Variants in PREX1 observed in about 807,000 individuals in gnomAD.
PREX1 encodes phosphatidylinositol 3,4,5-trisphosphate-dependent Rac exchanger 1 protein.
Under a neutral mutation model 198.3 loss-of-function variants are expected in PREX1, and 41 were observed. That is an observed-to-expected ratio of 0.21 (90% confidence interval 0.16 to 0.27). The LOEUF (loss-of-function observed/expected upper bound fraction) is 0.27. PREX1 is among the 10% of genes least tolerant of loss of function. PREX1 has a pLI of 1.00. For missense variants in PREX1, 1,620 were observed against 2,200.7 expected (o/e 0.74, Z 5.28); for synonymous variants, 843 against 887.2 (o/e 0.95, Z 0.89).
intron 13 of PREX1, among the ~76,000 whole-genome samples, chr20:48,677,343 C>T (rs1012327031): frequency 1.3e-5 from 2 of 151,858 alleles, no homozygotes; most frequent in African/African-American, 4.8e-5. Context: ...GGTCCTTCCT[C>T]TCCACTCTTC....
Position 48,666,316 on chromosome 20 carries a change from C to A in PREX1, c.1705G>T (p.Val569Leu). ...ATGAAGCCATTGTTGCACAGACCCA[C>A]GCCGAGCGCCACTGCCTCCTCCCGA... ...QTREEAVALG[V>L]GLCNNGFMHH... The change falls in exon 15 of 40, where the codon GTG (valine) becomes TTG (leucine). Residue 569 changes from valine to leucine, a missense_variant. Coordinates refer to ENST00000371941, the MANE Select transcript of PREX1 (RefSeq NM_020820.4). The surrounding 1 kb of genome is among the most constrained non-coding windows in gnomAD (Gnocchi z 4.3). The A allele has an allele frequency of 3.2e-6, 5 of 1,570,674 alleles. No individual in the cohort carries two copies. Among genetic ancestry groups the A allele is most frequent in the Non-Finnish European group, 4.3e-6 (5 of 1,158,272 alleles).
intron 7 of PREX1, among the ~76,000 whole-genome samples, chr20:48,696,759 T>A (rs2089848699): frequency 6.6e-6 from 1 of 152,120 alleles, no homozygotes; most frequent in African/African-American, 2.4e-5. Context: ...GTAGTTGGTA[T>A]GGGGATAATG....
At chr20:48,688,620 C>T (rs1446676240) in intron 10 of PREX1, 37 bp downstream of exon 10, 1 of 1,612,660 alleles carries the variant, frequency 6.2e-7, no homozygotes, top group African/African-American at 1.3e-5. Flanking sequence ...CAGCTGAGAG[C>T]CCAGGGACCC....
chr20:48,805,417 G>A (rs572244278), intron 1 of PREX1, among the ~76,000 whole-genome samples: 1 of 152,362 alleles, frequency 6.6e-6, no homozygotes, highest in South Asian at 2.1e-4. Flanking sequence ...CGTGCTCTCT[G>A]CCAAGTGCAG....
At chr20:48,636,234 T>C (rs954990729) in intron 32 of PREX1, among the ~76,000 whole-genome samples, 1 of 152,200 alleles carries the variant, frequency 6.6e-6, no homozygotes, top group Non-Finnish European at 1.5e-5. Context: ...TGTGTGTGCC[T>C]CCCTCCCTCC....
At chr20:48,748,242 C>A (rs577395286) in intron 1 of PREX1, among the ~76,000 whole-genome samples, 1 of 152,272 alleles carries the variant, frequency 6.6e-6, no homozygotes, top group Non-Finnish European at 1.5e-5. Flanking sequence ...ATTCATTTCC[C>A]CTTTCAATTT....
At chr20:48,752,128 T>C (rs1433382940) in intron 1 of PREX1, among the ~76,000 whole-genome samples, 2 of 152,130 alleles carry the variant, frequency 1.3e-5, no homozygotes, top group Non-Finnish European at 2.9e-5. Context: ...CACAGTACCA[T>C]GCAAATATCA....
chr20:48,656,205 G>A (rs889595455), intron 18 of PREX1, among the ~76,000 whole-genome samples: 1 of 152,166 alleles, frequency 6.6e-6, no homozygotes, highest in African/African-American at 2.4e-5. Context: ...AAAACCAGAT[G>A]CATAATTTTT....
chr20:48,761,283 T>C (rs2090178429), intron 1 of PREX1, among the ~76,000 whole-genome samples: 1 of 152,188 alleles, frequency 6.6e-6, no homozygotes, highest in African/African-American at 2.4e-5. Flanking sequence ...ACCATGGACA[T>C]TATGTGTGTT....
chr20:48,791,814 T>C (rs911374581), intron 1 of PREX1, among the ~76,000 whole-genome samples: 1 of 152,216 alleles, frequency 6.6e-6, no homozygotes, highest in East Asian at 1.9e-4. Context: ...GTTAAAAATG[T>C]GATTGAGTTG....
At chr20:48,858,103 G>T in the PREX1 span, among the ~76,000 whole-genome samples, 4 of 152,210 alleles carry the variant, frequency 2.6e-5, no homozygotes, top group African/African-American at 9.7e-5. Context: ...TTAATCCTAA[G>T]GGCAGTGGCT....
chr20:48,784,204 T>C (rs931556422), intron 1 of PREX1, among the ~76,000 whole-genome samples: 1 of 152,156 alleles, frequency 6.6e-6, no homozygotes, highest in African/African-American at 2.4e-5. Context: ...AAAAACGGGC[T>C]CCAGGGGTTT....
the PREX1 span, among the ~76,000 whole-genome samples, chr20:48,873,792 G>A: frequency 4.6e-5 from 7 of 152,036 alleles, no homozygotes; most frequent in South Asian, 6.3e-4. Flanking sequence ...CAACAACAGC[G>A]GAAAATACGT....
intron 14 of PREX1, among the ~76,000 whole-genome samples, chr20:48,674,755 G>C (rs988216951): frequency 6.6e-6 from 1 of 152,200 alleles, no homozygotes; most frequent in African/African-American, 2.4e-5. Context: ...GAGCAATAAA[G>C]GAGAAGAGAC....
intron 1 of PREX1, among the ~76,000 whole-genome samples, chr20:48,786,954 G>A (rs939649339): frequency 2.6e-5 from 4 of 151,724 alleles, no homozygotes; most frequent in African/African-American, 7.3e-5. Context: ...ACAAGGATGC[G>A]ACTCCTGACC....
chr20:48,767,437 T>A (rs1458794582), intron 1 of PREX1, among the ~76,000 whole-genome samples: 3 of 151,894 alleles, frequency 2.0e-5, no homozygotes, highest in African/African-American at 7.3e-5. Context: ...AAGATGGAGG[T>A]TCTGGTGTCA....
intron 1 of PREX1, among the ~76,000 whole-genome samples, chr20:48,756,255 T>C (rs1483432040): frequency 2.0e-5 from 3 of 152,140 alleles, no homozygotes; most frequent in Non-Finnish European, 2.9e-5. Flanking sequence ...CCCACACCAC[T>C]GCCCAGGCTG....
At chr20:48,825,661 AG>A (rs1177365374) in intron 1 of PREX1, among the ~76,000 whole-genome samples, 1 of 151,916 alleles carries the variant, frequency 6.6e-6, no homozygotes, top group Non-Finnish European at 1.5e-5. Context: ...GGGGCGTGGG[AG>A]GGAGAGGTAT....
At chr20:48,670,978 G>C (rs114141760) in intron 14 of PREX1, among the ~76,000 whole-genome samples, 1 of 152,210 alleles carries the variant, frequency 6.6e-6, no homozygotes, top group Non-Finnish European at 1.5e-5. Flanking sequence ...AAGCCGTTCC[G>C]GAGCTGACAG....
Sources: allele counts gnomAD v4.1 joint callset (sites outside exome capture counted in the v4.1 genomes callset), GRCh38; gene constraint gnomAD v4.1.1; non-coding constraint Gnocchi (gnomAD v3.1); transcripts MANE v1.5; gene names NCBI Gene and HGNC (gene_info 2026-07-23, HGNC 2026-07-21).